The following CDH4 variants were observed in gnomAD, a reference collection of about 807,000 sequenced individuals.
The protein encoded by CDH4 is cadherin-4.
Under a neutral mutation model 86.0 loss-of-function variants are expected in CDH4, and 33 were observed. The observed-to-expected ratio is 0.38, with a 90% CI of 0.29 to 0.51. The LOEUF is 0.51. Among genes scored for constraint, CDH4 ranks in the 20% least tolerant of loss-of-function variants. The pLI is 0.86. For missense variants in CDH4, 1,114 were observed against 1,307.4 expected (o/e 0.85, Z 2.28); for synonymous variants, 555 against 549.4 (o/e 1.01, Z -0.14).
chr20:61,730,622 C>T (rs963809584), intron 2 of CDH4, among the ~76,000 whole-genome samples: 11 of 152,224 alleles, frequency 7.2e-5, no homozygotes, highest in African/African-American at 2.4e-4. Flanking sequence ...GCAGGCCCAG[C>T]GCCTGCCAGC....
In CDH4 at chr20:61,468,353, A is replaced by G. The variant is rs2085484767; in HGVS notation, c.169+213416A>G. Among the ~76,000 whole-genome samples the G allele has an allele frequency of 7.2e-5, 7 of 97,256 alleles. No homozygotes were observed. In the Admixed American group the frequency reaches 7.7e-4, roughly 11 times the overall value. 63.8% of individuals were successfully genotyped at this position (97,256 alleles called of 152,430 possible). A position where few individuals can be genotyped will look rare whatever the true frequency, so the allele number is the denominator to read the frequency against. On this transcript the variant is annotated intron_variant, in intron 2 of 15. Transcript: ENST00000614565. ...GCAAGAGCCAGACCTCTCTTTGGGTAAGGTTAAATTCTTTCTCTTTCTCTT... is the reference window on the plus strand; with the variant it reads ...GCAAGAGCCAGACCTCTCTTTGGGTGAGGTTAAATTCTTTCTCTTTCTCTT...
chr20:61,475,466 T>C lies in CDH4; in HGVS notation c.169+220529T>C, dbSNP rs1279352597. 7.1e-5 allele frequency among the ~76,000 whole-genome samples: 3 copies of C among 42,002 alleles called. 1 individual carries two copies. In the South Asian group the frequency reaches 4.2e-3, roughly 59 times the overall value. The allele number at this position is 42,002 out of a possible 152,430, so 27.6% of individuals were successfully genotyped here. On this transcript the variant is annotated intron_variant, in intron 2 of 15. Coordinates refer to ENST00000614565, the MANE Select transcript of CDH4 (RefSeq NM_001794.5). ...TGGAATTTACCTCCCCCCCTCTCTC[T>C]CCCTCCTCTCCCTCCCCCTCTCTAC...
chr20:61,826,552 G>A (rs968367195), intron 4 of CDH4, among the ~76,000 whole-genome samples: 10 of 152,324 alleles, frequency 6.6e-5, no homozygotes, highest in Admixed American at 2.0e-4. Flanking sequence ...AAGCTAGGGC[G>A]GTGATGGGGG....
At chr20:61,761,892 A>G (rs2088637768) in intron 3 of CDH4, among the ~76,000 whole-genome samples, 2 of 152,182 alleles carry the variant, frequency 1.3e-5, no homozygotes, top group Admixed American at 1.3e-4. Context: ...CTCATAAGCC[A>G]TGCCGACAGC....
intron 2 of CDH4, among the ~76,000 whole-genome samples, chr20:61,596,218 C>T (rs923105507): frequency 5.9e-5 from 9 of 152,200 alleles, no homozygotes; most frequent in Admixed American, 1.3e-4. Context: ...AATGACTTCC[C>T]GCCCCCTGAA....
At chr20:61,635,614 A>G (rs2086938415) in intron 2 of CDH4, among the ~76,000 whole-genome samples, 1 of 152,172 alleles carries the variant, frequency 6.6e-6, no homozygotes, top group South Asian at 2.1e-4. Flanking sequence ...GCAGGGGCCC[A>G]GGGGCCGGGC....
chr20:61,338,790 C>G (rs536499561), intron 2 of CDH4, among the ~76,000 whole-genome samples: 7 of 152,114 alleles, frequency 4.6e-5, no homozygotes, highest in African/African-American at 1.7e-4. Flanking sequence ...ATCCTCAGGG[C>G]GAAGATAATA....
chr20:61,571,082 C>G (rs1277972658), intron 2 of CDH4, among the ~76,000 whole-genome samples: 1 of 152,150 alleles, frequency 6.6e-6, no homozygotes, highest in East Asian at 1.9e-4. Context: ...TGGTGGGGTC[C>G]AACAGGGGTT....
At chr20:61,575,767 T>C (rs2086378448) in intron 2 of CDH4, among the ~76,000 whole-genome samples, 1 of 152,248 alleles carries the variant, frequency 6.6e-6, no homozygotes, top group Non-Finnish European at 1.5e-5. Flanking sequence ...TCTGGCCCGT[T>C]ACAGAACATG....
intron 2 of CDH4, among the ~76,000 whole-genome samples, chr20:61,451,253 T>C (rs932016410): frequency 6.6e-6 from 1 of 152,018 alleles, no homozygotes; most frequent in African/African-American, 2.4e-5. Context: ...GGCACCTGGC[T>C]TCAAAAAGCG....
At chr20:61,387,039 T>C (rs539461874) in intron 2 of CDH4, among the ~76,000 whole-genome samples, 38 of 152,394 alleles carry the variant, frequency 2.5e-4, no homozygotes, top group African/African-American at 9.1e-4. Context: ...GGTTGGATTC[T>C]TTTTATATTT....
chr20:61,607,002 T>TA (rs760266572), intron 2 of CDH4, among the ~76,000 whole-genome samples: 25 of 152,192 alleles, frequency 1.6e-4, no homozygotes, highest in Non-Finnish European at 2.8e-4. Flanking sequence ...TGAGGAGGGA[T>TA]AGAGCTGCTG....
chr20:61,497,811 T>G (rs1271570500), intron 2 of CDH4, among the ~76,000 whole-genome samples: 1 of 152,126 alleles, frequency 6.6e-6, no homozygotes, highest in Admixed American at 6.5e-5. Context: ...CCATCCCAAA[T>G]GTCCATCAGT....
chr20:61,648,468 G>A (rs933363857), intron 2 of CDH4, among the ~76,000 whole-genome samples: 4 of 152,176 alleles, frequency 2.6e-5, no homozygotes, highest in Admixed American at 6.5e-5. Flanking sequence ...AGGCACACCC[G>A]GGTCCGCAGC....
Position 61,811,805 on chromosome 20 carries a change from G to T in CDH4, c.577-32863G>T, listed in dbSNP as rs551732961. On this transcript the variant is annotated intron_variant, in intron 4 of 15. Coordinates refer to ENST00000614565, the MANE Select transcript of CDH4 (RefSeq NM_001794.5). This position sits in a 1 kb window ranked among gnomAD's most constrained non-coding sequence, Gnocchi z 4.4. ...TCCTGCCTCAGCCTCCCATGTAGCT[G>T]GTACTACAGGCACACGTCACCATGC... Among the ~76,000 whole-genome samples the T allele has an allele frequency of 6.6e-6, 1 of 151,834 alleles. No individual in the cohort carries two copies. Among genetic ancestry groups the T allele is most frequent in the East Asian group, 2.0e-4 (1 of 5,120 alleles).
At chr20:61,473,558 A>G (rs964051028) in intron 2 of CDH4, among the ~76,000 whole-genome samples, 32 of 152,208 alleles carry the variant, frequency 2.1e-4, no homozygotes, top group Admixed American at 9.2e-4. Context: ...ATTTTAACCA[A>G]TAGAACCATA....
At chr20:61,809,052 G>A (rs996898061) in intron 4 of CDH4, among the ~76,000 whole-genome samples, 48 of 152,322 alleles carry the variant, frequency 3.2e-4, no homozygotes, top group African/African-American at 1.1e-3. Flanking sequence ...AGCCACAGAC[G>A]CCTGGCACCT....
Position 61,923,716 on chromosome 20 carries a change from G to A in CDH4, c.1628+12G>A, listed in dbSNP as rs2055011865. ...CAGCAGGCTGTGAGGTGGGTGCACA[G>A]GACATGCCTCGTCCCTGCCTGCAGC... is the stretch of plus-strand genomic sequence containing the variant. On this transcript the variant is annotated intron_variant, in intron 10 of 15. Transcript: ENST00000614565. The A allele has an allele frequency of 1.2e-6, 2 of 1,610,998 alleles. No homozygotes were observed. The highest frequency in any genetic ancestry group is 2.2e-5 in the East Asian group (1 of 44,832).
chr20:61,336,265 G>T (rs190515541), intron 2 of CDH4, among the ~76,000 whole-genome samples: 50 of 152,180 alleles, frequency 3.3e-4, no homozygotes, highest in Admixed American at 1.2e-3. Context: ...TCTATACAGT[G>T]GGGATATTTT....
Sources: allele counts gnomAD v4.1 joint callset (sites outside exome capture counted in the v4.1 genomes callset), GRCh38; gene constraint gnomAD v4.1.1; non-coding constraint Gnocchi (gnomAD v3.1); transcripts MANE v1.5; gene names NCBI Gene and HGNC (gene_info 2026-07-23, HGNC 2026-07-21).